Variants in TRPM3 observed in about 807,000 individuals in gnomAD.
The protein encoded by TRPM3 is long transient receptor potential channel 3.
A neutral mutation model predicts 181.2 loss-of-function variants in TRPM3; 77 were observed. The observed-to-expected ratio is 0.42, with a 90% CI of 0.35 to 0.51. The LOEUF is 0.51. TRPM3 is among the 20% of genes least tolerant of loss of function. The probability of loss-of-function intolerance (pLI) is 0.01; values close to 1 mark genes in which losing one functional copy is unlikely to be tolerated. For synonymous variants in TRPM3, 745 were observed against 796.4 expected (o/e 0.94, Z 1.09); for missense variants, 1,759 against 2,196.7 (o/e 0.80, Z 3.98).
At chr9:71,343,571 T>C (rs1373460909) in intron 1 of TRPM3, among the ~76,000 whole-genome samples, 4 of 152,168 alleles carry the variant, frequency 2.6e-5, no homozygotes, top group Non-Finnish European at 4.4e-5. Context: ...AAGAATCCTG[T>C]GAGATTGGCT....
chr9:70,535,192 C>T lies in TRPM3; in HGVS notation c.*761G>A. 1.8e-6 allele frequency: 1 copy of T among 546,364 alleles called. No homozygotes were observed. Among genetic ancestry groups the T allele is most frequent in the Non-Finnish European group, 3.2e-6 (1 of 312,858 alleles). 33.8% of individuals were successfully genotyped at this position (546,364 alleles called of 1,614,324 possible). On this transcript the variant is annotated 3_prime_UTR_variant, in exon 26 of 26. Coordinates refer to ENST00000677713, the MANE Select transcript of TRPM3 (RefSeq NM_001366145.2). ...TGAACGCCCACTGTATATAATAAAT[C>T]ACTTGACTTTTGTTTTTTTAACATC...
intron 1 of TRPM3, among the ~76,000 whole-genome samples, chr9:71,260,084 C>A (rs2082939306): frequency 6.6e-6 from 1 of 152,158 alleles, no homozygotes; most frequent in South Asian, 2.1e-4. Context: ...GGTCCAGTTT[C>A]AGTTTTCTGA....
chr9:70,682,808 C>A (rs754433827), intron 8 of TRPM3, among the ~76,000 whole-genome samples: 19 of 152,148 alleles, frequency 1.2e-4, no homozygotes, highest in Non-Finnish European at 2.1e-4. Context: ...TAGTACTCAA[C>A]TGTTTCATGC....
chr9:71,446,444 G>A (rs1280979160), intron 1 of TRPM3, among the ~76,000 whole-genome samples: 4 of 152,150 alleles, frequency 2.6e-5, no homozygotes, highest in Admixed American at 2.6e-4. Context: ...CGCCAGAGAC[G>A]TCAGGAGACC....
At chr9:71,337,855 TCTCA>T (rs2090668385) in intron 1 of TRPM3, among the ~76,000 whole-genome samples, 1 of 152,106 alleles carries the variant, frequency 6.6e-6, no homozygotes, top group Non-Finnish European at 1.5e-5. Flanking sequence ...CACCACGTGT[TCTCA>T]CTCATAAGTG....
At chr9:71,053,052 C>T (rs1177720952) in intron 1 of TRPM3, among the ~76,000 whole-genome samples, 1 of 121,890 alleles carries the variant, frequency 8.2e-6, no homozygotes, top group East Asian at 2.7e-4. Context: ...AGTTTCCTAA[C>T]CAGCGAATAA....
chr9:70,581,699 A>G (rs1180064535), intron 22 of TRPM3, among the ~76,000 whole-genome samples: 1 of 152,192 alleles, frequency 6.6e-6, no homozygotes, highest in African/African-American at 2.4e-5. Flanking sequence ...TTTGGTCAGA[A>G]CACTGAGCCT....
At chr9:70,769,764 A>G (rs2079863778) in intron 7 of TRPM3, among the ~76,000 whole-genome samples, 1 of 126,526 alleles carries the variant, frequency 7.9e-6, no homozygotes, top group Non-Finnish European at 1.9e-5. Flanking sequence ...TGTTTGTCTT[A>G]CTCTAGTAGA....
intron 9 of TRPM3, among the ~76,000 whole-genome samples, chr9:70,668,239 T>C (rs12005736): frequency 0.02 from 3,002 of 152,268 alleles, 106 homozygotes; most frequent in African/African-American, 0.067. Context: ...CATGAACTTC[T>C]AGCATGTGAC....
intron 1 of TRPM3, among the ~76,000 whole-genome samples, chr9:71,426,454 A>T (rs1262853864): frequency 6.6e-6 from 1 of 152,126 alleles, no homozygotes; most frequent in East Asian, 1.9e-4. Flanking sequence ...AAGCAATGAG[A>T]TAAGGTAGGT....
At chr9:70,672,958 A>G (rs2063267872) in intron 9 of TRPM3, among the ~76,000 whole-genome samples, 1 of 152,184 alleles carries the variant, frequency 6.6e-6, no homozygotes. Context: ...CCAGAAGCAC[A>G]GGTGCAAACA....
intron 1 of TRPM3, among the ~76,000 whole-genome samples, chr9:70,866,810 C>CTTTT (rs1169580399): frequency 3.9e-5 from 6 of 151,948 alleles, no homozygotes; most frequent in African/African-American, 9.7e-5. Flanking sequence ...AAGCACCTGG[C>CTTTT]TTTATCTGAC....
intron 1 of TRPM3, among the ~76,000 whole-genome samples, chr9:71,025,543 C>T (rs1590752970): frequency 1.3e-5 from 2 of 152,136 alleles, no homozygotes; most frequent in Non-Finnish European, 2.9e-5. Context: ...TTCTGTAATA[C>T]CGTACATTTC....
chr9:70,906,384 C>T (rs141878688), intron 1 of TRPM3, among the ~76,000 whole-genome samples: 16 of 152,272 alleles, frequency 1.1e-4, no homozygotes, highest in African/African-American at 3.8e-4. Context: ...TGTTCCCTCA[C>T]TGGGCCTGAG....
chr9:71,262,119 C>T (rs10869004), intron 1 of TRPM3, among the ~76,000 whole-genome samples: 8 of 152,124 alleles, frequency 5.3e-5, no homozygotes, highest in Admixed American at 3.9e-4. Flanking sequence ...CCCCTTCCCC[C>T]GGGTGCTCTG....
At chr9:71,347,502 T>C (rs544051998) in intron 1 of TRPM3, among the ~76,000 whole-genome samples, 1 of 152,358 alleles carries the variant, frequency 6.6e-6, no homozygotes, top group South Asian at 2.1e-4. Flanking sequence ...ATTTTAAATT[T>C]TTCAAAGCTT....
chr9:70,623,059 T>TTTG (rs1431731694), intron 14 of TRPM3, among the ~76,000 whole-genome samples: 2 of 152,042 alleles, frequency 1.3e-5, no homozygotes, highest in Non-Finnish European at 2.9e-5. Context: ...AGAAAAAAAC[T>TTTG]TTGTTAAATA....
At chr9:70,808,578 A>G (rs912517376) in intron 6 of TRPM3, among the ~76,000 whole-genome samples, 1 of 152,242 alleles carries the variant, frequency 6.6e-6, no homozygotes, top group Non-Finnish European at 1.5e-5. Flanking sequence ...ATTAACAAGC[A>G]TGACAAATAT....
chr9:70,568,648 A>T (rs186362729), intron 22 of TRPM3, among the ~76,000 whole-genome samples: 123 of 152,372 alleles, frequency 8.1e-4, no homozygotes, highest in African/African-American at 2.9e-3. Flanking sequence ...TGAAACACAA[A>T]TAGGCAAGTA....
Sources: allele counts gnomAD v4.1 joint callset (sites outside exome capture counted in the v4.1 genomes callset), GRCh38; gene constraint gnomAD v4.1.1; transcripts MANE v1.5; gene names NCBI Gene and HGNC (gene_info 2026-07-23, HGNC 2026-07-21).